Variants in PCDHA11 observed in about 807,000 individuals in gnomAD.
PCDHA11 encodes the protein protocadherin alpha 11.
A neutral mutation model predicts 70.3 loss-of-function variants in PCDHA11; 61 were observed. The observed-to-expected ratio is 0.87, with a 90% CI of 0.71 to 1.07. The LOEUF (loss-of-function observed/expected upper bound fraction) is 1.07, where lower values mean the gene tolerates loss of function less well. Ranked by LOEUF, PCDHA11 falls within the 50% of genes least tolerant of loss-of-function variation. The pLI is 0.00. For missense variants in PCDHA11, 1,324 were observed against 1,237.5 expected (o/e 1.07, Z -1.05); for synonymous variants, 633 against 555.1 (o/e 1.14, Z -1.97).
At chr5:140,917,118 G>A (rs961408905) in intron 1 of PCDHA11, among the ~76,000 whole-genome samples, 2 of 152,106 alleles carry the variant, frequency 1.3e-5, no homozygotes, top group African/African-American at 2.4e-5. Context: ...CTCCAAGTGC[G>A]CAGACTCCCC....
intron 1 of PCDHA11, among the ~76,000 whole-genome samples, chr5:140,892,806 A>G (rs1262963314): frequency 2.6e-5 from 4 of 152,228 alleles, no homozygotes; most frequent in African/African-American, 7.2e-5. Flanking sequence ...ATAGTTAACC[A>G]TATTTATCCT....
Position 140,869,813 on chromosome 5 carries a change from A to G in PCDHA11, c.710A>G (p.Asp237Gly). Residue 237 changes from aspartate to glycine, a missense_variant, in exon 1 of 4, where the codon GAC becomes GGC. By Grantham distance (94) the Asp-to-Gly change is moderately conservative (BLOSUM62 -1). Coordinates refer to ENST00000398640, the MANE Select transcript of PCDHA11 (RefSeq NM_018902.5). The stretch of plus-strand genomic sequence containing the variant: ...TTAGTCCAAGTCTTGGATGTCAACG[A>G]CAATGATCCAGAGTTTGATAAATCA... ...RLLVQVLDVN[D>G]NDPEFDKSEY... is the part of the protein sequence containing the mutation. 2 of 1,612,416 alleles carry G rather than the reference A, an allele frequency of 1.2e-6. No homozygotes were observed. Among genetic ancestry groups the G allele is most frequent in the Non-Finnish European group, 1.7e-6 (2 of 1,179,252 alleles).
At position 140,883,299 on chromosome 5, in the gene PCDHA11, A is replaced by G. The variant is rs200799645; in HGVS notation, c.2391+11805A>G. 1.4e-5 allele frequency: 22 copies of G among 1,614,110 alleles called. No homozygotes were observed. In the African/African-American group the frequency reaches 2.9e-4, roughly 22 times the overall value. On this transcript the variant is annotated intron_variant, in intron 1 of 3. Coordinates refer to ENST00000398640, the MANE Select transcript of PCDHA11 (RefSeq NM_018902.5). ...CTTTTGGTGGAAGTACTAGATGTAA[A>G]TGATAACGCCCCAGAGGTTACCATC...
intron 1 of PCDHA11, chr5:140,929,554 C>A (rs899446101): frequency 6.1e-6 from 3 of 488,410 alleles, no homozygotes; most frequent in African/African-American, 4.0e-5. Flanking sequence ...AAAATTAAAA[C>A]CTATTTAAGA....
chr5:140,882,466 G>A (rs782656797), intron 1 of PCDHA11: 1 of 1,614,028 alleles, frequency 6.2e-7, no homozygotes, highest in South Asian at 1.1e-5. Flanking sequence ...TGTTCCGGGT[G>A]GCGTCCAAAA....
At position 140,869,970 on chromosome 5, in the gene PCDHA11, A is replaced by G; in HGVS notation, c.867A>G (p.Arg289=). 3.7e-6 allele frequency: 6 copies of G among 1,613,166 alleles called. No individual in the cohort carries two copies. The highest frequency in any genetic ancestry group is 5.1e-6 in the Non-Finnish European group (6 of 1,179,522). The change falls in exon 1 of 4, where the codon AGA becomes AGG. Residue 289 remains arginine (R), a synonymous_variant. Coordinates refer to ENST00000398640, the MANE Select transcript of PCDHA11 (RefSeq NM_018902.5). ...TAATGTCAATTAAGCCCAATGGAAGACACTTATTTACACTAGATCAAAATA... is the reference window on the plus strand; with the variant it reads ...TAATGTCAATTAAGCCCAATGGAAGGCACTTATTTACACTAGATCAAAATA... The part of the protein sequence containing the change: ...YSLMSIKPNG[R]HLFTLDQNNG...
At chr5:140,894,184 A>T (rs1411546476) in intron 1 of PCDHA11, among the ~76,000 whole-genome samples, 13 of 152,046 alleles carry the variant, frequency 8.6e-5, no homozygotes, top group African/African-American at 3.1e-4. Context: ...TTCCATAGTT[A>T]TATATTTTTT....
intron 1 of PCDHA11, chr5:140,881,303 C>G (rs2058657354): frequency 2.1e-6 from 2 of 962,486 alleles, no homozygotes; most frequent in African/African-American, 1.8e-5. Flanking sequence ...GAAACTTTAA[C>G]CTCCTGGTTA....
chr5:140,954,102 A>G (rs2094980163), intron 1 of PCDHA11, among the ~76,000 whole-genome samples: 1 of 152,186 alleles, frequency 6.6e-6, no homozygotes, highest in South Asian at 2.1e-4. Flanking sequence ...TGTCCCTGCA[A>G]AGGACAAGAT....
intron 1 of PCDHA11, among the ~76,000 whole-genome samples, chr5:140,895,004 T>C (rs535461448): frequency 6.6e-6 from 1 of 152,316 alleles, no homozygotes; most frequent in East Asian, 1.9e-4. Flanking sequence ...CCCTTTTTAC[T>C]TGGACCTTTT....
chr5:140,922,268 A>T (rs2153564244), intron 1 of PCDHA11, among the ~76,000 whole-genome samples: 1 of 152,382 alleles, frequency 6.6e-6, no homozygotes, highest in Non-Finnish European at 1.5e-5. Context: ...TGCCATGAAG[A>T]TTGGACCAAG....
At chr5:140,944,818 T>G (rs1490682721) in intron 1 of PCDHA11, among the ~76,000 whole-genome samples, 1 of 152,236 alleles carries the variant, frequency 6.6e-6, no homozygotes, top group East Asian at 1.9e-4. Context: ...CAGTGATCTT[T>G]GCCCCATAAT....
intron 1 of PCDHA11, among the ~76,000 whole-genome samples, chr5:140,912,566 T>G (rs1562988008): frequency 2.0e-5 from 3 of 152,178 alleles, no homozygotes; most frequent in Admixed American, 1.3e-4. Context: ...CAGTTTTAAC[T>G]TCCTCTTTTC....
At chr5:140,926,529 A>T in intron 1 of PCDHA11, 1 of 209,686 alleles carries the variant, frequency 4.8e-6, no homozygotes, top group Admixed American at 5.9e-5. Context: ...CTGCGCCCGC[A>T]GCCAGCGTGG....
intron 1 of PCDHA11, chr5:140,967,561 G>T: frequency 6.2e-7 from 1 of 1,614,076 alleles, no homozygotes; most frequent in Non-Finnish European, 8.5e-7. Flanking sequence ...ATCGCGTCCA[G>T]CTACGGGAGG....
Position 140,982,498 on chromosome 5 carries a change from G to A in PCDHA11, c.2474G>A (p.Gly825Asp), listed in dbSNP as rs782347331. The change falls in exon 3 of 4, where the codon GGC becomes GAC. Residue 825 changes from glycine to aspartate, a missense_variant. By Grantham distance (94) the Gly-to-Asp change is moderately conservative. Transcript: ENST00000398640. ...AGCTCTGTGCACCTAGAGGAGGCTG[G>A]CATTCTACGGGCTGGTCCAGGAGGG... Reference protein sequence around the residue: ...MHSSVHLEEAGILRAGPGGPD... With the variant: ...MHSSVHLEEADILRAGPGGPD... 6 of 1,614,062 alleles carry A rather than the reference G, an allele frequency of 3.7e-6. No homozygotes were observed. The Admixed American group carries it at 5.0e-5, about 13-fold the overall frequency.
chr5:140,872,347 C>T (rs556222685), intron 1 of PCDHA11, among the ~76,000 whole-genome samples: 44 of 152,200 alleles, frequency 2.9e-4, no homozygotes, highest in African/African-American at 1.0e-3. Context: ...CATGTTCTTG[C>T]CAGGCAAAGT....
chr5:140,888,611 G>T (rs1554183538), intron 1 of PCDHA11, among the ~76,000 whole-genome samples: 1 of 152,144 alleles, frequency 6.6e-6, no homozygotes, highest in Non-Finnish European at 1.5e-5. Context: ...TTTTAGTGTA[G>T]CACTAATTCG....
chr5:141,011,501 A>G lies in PCDHA11; in HGVS notation c.*1564A>G, dbSNP rs548038544. ...ATATTTCCTTTTGTACACCTGTGAA[A>G]AAGTGGAGTAGTGTTTTTTTAACCA... On this transcript the variant is annotated 3_prime_UTR_variant, in exon 4 of 4. Coordinates refer to ENST00000398640, the MANE Select transcript of PCDHA11 (RefSeq NM_018902.5). 1.3e-5 allele frequency: 2 copies of G among 153,894 alleles called. No individual in the cohort carries two copies. Among genetic ancestry groups the G allele is most frequent in the African/African-American group, 4.8e-5 (2 of 41,578 alleles). 9.5% of individuals were successfully genotyped at this position (153,894 alleles called of 1,614,324 possible).
Sources: allele counts gnomAD v4.1 joint callset (sites outside exome capture counted in the v4.1 genomes callset), GRCh38; gene constraint gnomAD v4.1.1; transcripts MANE v1.5; gene names NCBI Gene and HGNC (gene_info 2026-07-23, HGNC 2026-07-21).